The following ELK4 variants were observed in gnomAD, a reference collection of about 807,000 sequenced individuals.
ELK4 encodes ETS domain-containing protein Elk-4.
ELK4 carries 16 observed loss-of-function variants against 29.6 expected under a neutral mutation model. The ratio of observed to expected loss-of-function variants is 0.54; its 90% CI spans 0.37 to 0.82. ELK4 has a LOEUF of 0.82. Ranked by LOEUF, ELK4 falls within the 40% of genes least tolerant of loss-of-function variation. The pLI is 0.00. For missense variants in ELK4, 465 were observed against 507.1 expected, an observed-to-expected ratio of 0.92 and a Z score of 0.80; for synonymous variants, 213 against 191.1, an observed-to-expected ratio of 1.11 and a Z score of -0.95.
chr1:205,610,039 C>G lies in ELK4; in HGVS notation c.*6507G>C, dbSNP rs142994414. The G allele has an allele frequency of 4.9e-4, 113 of 231,406 alleles. No individual in the cohort carries two copies. Among genetic ancestry groups the G allele is most frequent in the Middle Eastern group, 2.6e-3 (2 of 772 alleles). 14.3% of individuals were successfully genotyped at this position (231,406 alleles called of 1,614,324 possible). ...TCCAGTTATTAAAAATGAAACAGTGCTAATATTGGTGCCCAAGAAAGTGCC... is the reference window on the plus strand; with the variant it reads ...TCCAGTTATTAAAAATGAAACAGTGGTAATATTGGTGCCCAAGAAAGTGCC... On this transcript the variant is annotated 3_prime_UTR_variant, in exon 5 of 5. Coordinates refer to ENST00000357992, the MANE Select transcript of ELK4 (RefSeq NM_001973.4).
chr1:205,624,787 C>T (rs1370421405), intron 1 of ELK4, among the ~76,000 whole-genome samples: 2 of 152,116 alleles, frequency 1.3e-5, no homozygotes, highest in African/African-American at 4.8e-5. Context: ...GCACCGCCTG[C>T]CCCATTGAGA....
At position 205,625,565 on chromosome 1, in the gene ELK4, C is replaced by T. The variant is rs970097942; in HGVS notation, c.-9-1674G>A. ...AGAAGACTGGAAAGAAATACCCGGACCGGGTGCCGGTGATAGTAGAAAAGG... is the reference window on the plus strand; with the variant it reads ...AGAAGACTGGAAAGAAATACCCGGATCGGGTGCCGGTGATAGTAGAAAAGG... On this transcript the variant is annotated intron_variant, in intron 1 of 4. Transcript: ENST00000357992. 54 of 890,132 alleles carry T rather than the reference C, an allele frequency of 6.1e-5. No individual in the cohort carries two copies. In the African/African-American group the frequency reaches 8.4e-4, roughly 14 times the overall value. The allele number at this position is 890,132 out of a possible 1,614,324, so 55.1% of individuals were successfully genotyped here. A position where few individuals can be genotyped will look rare whatever the true frequency, so the allele number is the denominator to read the frequency against.
chr1:205,615,806 A>C lies in ELK4; in HGVS notation c.*740T>G, dbSNP rs1268742092. On this transcript the variant is annotated 3_prime_UTR_variant, in exon 5 of 5. Coordinates refer to ENST00000357992, the MANE Select transcript of ELK4 (RefSeq NM_001973.4). ...GTCCCATATTCTTACTAGGTGTTCCAAAAACTGTCTTAAACCCCAGGTCTA... is the reference window on the plus strand; with the variant it reads ...GTCCCATATTCTTACTAGGTGTTCCCAAAACTGTCTTAAACCCCAGGTCTA... 4.7e-6 allele frequency: 1 copy of C among 211,138 alleles called. No individual in the cohort carries two copies. The highest frequency in any genetic ancestry group is 9.6e-6 in the Non-Finnish European group (1 of 104,218). 13.1% of individuals were successfully genotyped at this position (211,138 alleles called of 1,614,324 possible). A position where few individuals can be genotyped will look rare whatever the true frequency, so the allele number is the denominator to read the frequency against.
rs143311314 is a variant in ELK4, at chr1:205,611,530, T to G, written c.*5016A>C. On this transcript the variant is annotated 3_prime_UTR_variant, in exon 5 of 5. Coordinates refer to ENST00000357992, the MANE Select transcript of ELK4 (RefSeq NM_001973.4). Reference sequence around the variant, plus strand: ...ATCCCAAACCAAGAATATAATTCTATTTTCCACAGAACCCAGTCTCTGGTT... The same window carrying G: ...ATCCCAAACCAAGAATATAATTCTAGTTTCCACAGAACCCAGTCTCTGGTT... 4.8e-6 allele frequency: 1 copy of G among 207,098 alleles called. No individual in the cohort carries two copies. Among genetic ancestry groups the G allele is most frequent in the East Asian group, 7.3e-5 (1 of 13,700 alleles). The allele number at this position is 207,098 out of a possible 1,614,324, so 12.8% of individuals were successfully genotyped here. A position where few individuals can be genotyped will look rare whatever the true frequency, so the allele number is the denominator to read the frequency against.
At position 205,615,301 on chromosome 1, in the gene ELK4, G is replaced by A. The variant is rs1281043741; in HGVS notation, c.*1245C>T. 1 of 146,320 alleles carries A rather than the reference G, an allele frequency of 6.8e-6. No individual in the cohort carries two copies. Among genetic ancestry groups the A allele is most frequent in the East Asian group, 1.7e-4 (1 of 5,952 alleles). The allele number at this position is 146,320 out of a possible 1,614,324, so 9.1% of individuals were successfully genotyped here. A position where few individuals can be genotyped will look rare whatever the true frequency, so the allele number is the denominator to read the frequency against. ...AGCTACTCAGGAGGCTGAGGCAGGA[G>A]AATTGCTTGAACCCGGGAGGCGGAG... On this transcript the variant is annotated 3_prime_UTR_variant, in exon 5 of 5. Transcript: ENST00000357992.
At chr1:205,631,549 G>T in intron 1 of ELK4, 83 bp downstream of exon 1, 1 of 155,160 alleles carries the variant, frequency 6.4e-6, no homozygotes. Context: ...TGTGCCGCGC[G>T]CCCCTCGGCC....
intron 2 of ELK4, among the ~76,000 whole-genome samples, 174 bp from the exon 3 acceptor site, chr1:205,621,012 T>C (rs1670334594): frequency 2.0e-5 from 3 of 151,716 alleles, no homozygotes. Context: ...CTGGCCAACA[T>C]GGTGAAACCC....
Position 205,620,946 on chromosome 1 carries a change from C to T in ELK4, c.208-108G>A, listed in dbSNP as rs897746596. On this transcript the variant is annotated intron_variant, in intron 2 of 4. Coordinates refer to ENST00000357992, the MANE Select transcript of ELK4 (RefSeq NM_001973.4). ...GCACAGTGGCTCATGCCTGTAATCC[C>T]AGCACTTTGGAAGGCCGAGGAGGGC... 4.7e-6 allele frequency: 6 copies of T among 1,275,264 alleles called. No homozygotes were observed. The African/African-American group carries it at 6.0e-5, about 13-fold the overall frequency. 79.0% of individuals were successfully genotyped at this position (1,275,264 alleles called of 1,614,324 possible). A position where few individuals can be genotyped will look rare whatever the true frequency, so the allele number is the denominator to read the frequency against.
Position 205,609,897 on chromosome 1 carries a change from T to A in ELK4, c.*6649A>T, listed in dbSNP as rs1199367820. 2 of 228,266 alleles carry A rather than the reference T, an allele frequency of 8.8e-6. No individual in the cohort carries two copies. Among genetic ancestry groups the A allele is most frequent in the East Asian group, 1.3e-4 (2 of 15,878 alleles). 14.1% of individuals were successfully genotyped at this position (228,266 alleles called of 1,614,324 possible). On this transcript the variant is annotated 3_prime_UTR_variant, in exon 5 of 5. Coordinates refer to ENST00000357992, the MANE Select transcript of ELK4 (RefSeq NM_001973.4). ...AATGGCTCATTAGGTAACCCATTTA[T>A]CCCTTCTACAAACACCCTATAAATT...
At position 205,615,050 on chromosome 1, in the gene ELK4, C is replaced by A. The variant is rs938672119; in HGVS notation, c.*1496G>T. 5.1e-6 allele frequency: 1 copy of A among 194,344 alleles called. No homozygotes were observed. The highest frequency in any genetic ancestry group is 2.3e-5 in the African/African-American group (1 of 43,004). 12.0% of individuals were successfully genotyped at this position (194,344 alleles called of 1,614,324 possible). A position where few individuals can be genotyped will look rare whatever the true frequency, so the allele number is the denominator to read the frequency against. Reference sequence around the variant, plus strand: ...CTACATTTTTTACTACTAATATGAACAATCCAATCCCTATGTATAAGCATT... The same window carrying A: ...CTACATTTTTTACTACTAATATGAAAAATCCAATCCCTATGTATAAGCATT... On this transcript the variant is annotated 3_prime_UTR_variant, in exon 5 of 5. Transcript: ENST00000357992.
intron 1 of ELK4, among the ~76,000 whole-genome samples, chr1:205,627,001 C>T (rs1233928861): frequency 6.6e-6 from 1 of 152,126 alleles, no homozygotes; most frequent in African/African-American, 2.4e-5. Context: ...CACACAAGGA[C>T]AAACCTTGAA....
Position 205,609,598 on chromosome 1 carries a change from G to A in ELK4, c.*6948C>T, listed in dbSNP as rs1670124280. ...TCTACCACTTAAACAATAAATGTAA[G>A]CAATGAATGTACATACAAAGGCCAC... On this transcript the variant is annotated 3_prime_UTR_variant, in exon 5 of 5. Transcript: ENST00000357992. The A allele has an allele frequency of 3.0e-5, 6 of 200,752 alleles. No individual in the cohort carries two copies. In the Admixed American group the frequency reaches 3.0e-4, roughly 10 times the overall value. The allele number at this position is 200,752 out of a possible 1,614,324, so 12.4% of individuals were successfully genotyped here. A position where few individuals can be genotyped will look rare whatever the true frequency, so the allele number is the denominator to read the frequency against.
At position 205,610,278 on chromosome 1, in the gene ELK4, T is replaced by C; in HGVS notation, c.*6268A>G. The C allele has an allele frequency of 4.3e-6, 1 of 231,578 alleles. No homozygotes were observed. Among genetic ancestry groups the C allele is most frequent in the Non-Finnish European group, 8.5e-6 (1 of 117,000 alleles). 14.3% of individuals were successfully genotyped at this position (231,578 alleles called of 1,614,324 possible). The stretch of plus-strand genomic sequence containing the variant: ...TTATGAGATGGGAAACAAGGCAAAG[T>C]TGAGAAGATCATTCAGCCCAAGACA... On this transcript the variant is annotated 3_prime_UTR_variant, in exon 5 of 5. Transcript: ENST00000357992.
In ELK4 at chr1:205,620,755, TG is replaced by T; in HGVS notation, c.290del (p.Thr97LysfsTer12). Reference sequence around the variant, plus strand: ...CACAGTCACCCTCAATCCTGCCCACTGTCATTGGATCCATGTTCAAAATCTC... The same window carrying T: ...CACAGTCACCCTCAATCCTGCCCACTTCATTGGATCCATGTTCAAAATCTC... ...YPEILNMDPM[T>X]VGRIEGDCES... On this transcript the variant is annotated frameshift_variant, in exon 3 of 5. Transcript: ENST00000357992. LOFTEE classifies it high-confidence loss of function. 6.2e-7 allele frequency: 1 copy of T among 1,614,138 alleles called. No individual in the cohort carries two copies. The highest frequency in any genetic ancestry group is 8.5e-7 in the Non-Finnish European group (1 of 1,180,028).
rs887544148 is a variant in ELK4, at chr1:205,614,786, T to C, written c.*1760A>G. 4.4e-6 allele frequency: 1 copy of C among 227,530 alleles called. No homozygotes were observed. Among genetic ancestry groups the C allele is most frequent in the African/African-American group, 2.2e-5 (1 of 45,034 alleles). The allele number at this position is 227,530 out of a possible 1,614,324, so 14.1% of individuals were successfully genotyped here. ...GAGCCTTCAAGTTCTTACTTCTTCA[T>C]TTAGTTCATGTGATTCTACAGGATT... On this transcript the variant is annotated 3_prime_UTR_variant, in exon 5 of 5. Coordinates refer to ENST00000357992, the MANE Select transcript of ELK4 (RefSeq NM_001973.4).
intron 1 of ELK4, among the ~76,000 whole-genome samples, chr1:205,626,457 A>C (rs1670463878): frequency 6.6e-6 from 1 of 152,140 alleles, no homozygotes; most frequent in South Asian, 2.1e-4. Flanking sequence ...CTGACTGCCC[A>C]AGGGGCTCAG....
intron 1 of ELK4, chr1:205,625,911 T>A: frequency 1.4e-6 from 1 of 735,504 alleles, no homozygotes; most frequent in South Asian, 1.4e-5. Flanking sequence ...ACTCCTGACC[T>A]CATGATCCGC....
Position 205,631,629 on chromosome 1 carries a change from C to T in ELK4, c.-10+3G>A. Reference sequence around the variant, plus strand: ...GAGGGGGCGCGCGGGGCTGACCGCTCACCGACGCCGCGCGCGGGGCTCCCC... The same window carrying T: ...GAGGGGGCGCGCGGGGCTGACCGCTTACCGACGCCGCGCGCGGGGCTCCCC... On this transcript the variant is annotated splice_donor_region_variant and intron_variant, in intron 1 of 4. Transcript: ENST00000357992. The T allele has an allele frequency of 3.1e-6, 1 of 318,992 alleles. No individual in the cohort carries two copies. Among genetic ancestry groups the T allele is most frequent in the Non-Finnish European group, 6.5e-6 (1 of 153,702 alleles). The allele number at this position is 318,992 out of a possible 1,614,324, so 19.8% of individuals were successfully genotyped here. A position where few individuals can be genotyped will look rare whatever the true frequency, so the allele number is the denominator to read the frequency against.
chr1:205,626,940 A>G lies in ELK4; in HGVS notation c.-9-3049T>C, dbSNP rs912648789. Among the ~76,000 whole-genome samples the G allele has an allele frequency of 5.3e-4, 80 of 152,224 alleles. 1 individual carries two copies. Among genetic ancestry groups the G allele is most frequent in the Non-Finnish European group, 1.0e-3 (69 of 68,038 alleles). ...GATGAATGGATAAATAATATGTGGC[A>G]CATTCATAATGGGGTATCATCCAGC... On this transcript the variant is annotated intron_variant, in intron 1 of 4. Coordinates refer to ENST00000357992, the MANE Select transcript of ELK4 (RefSeq NM_001973.4).
Sources: allele counts gnomAD v4.1 joint callset (sites outside exome capture counted in the v4.1 genomes callset), GRCh38; gene constraint gnomAD v4.1.1; transcripts MANE v1.5; gene names NCBI Gene and HGNC (gene_info 2026-07-23, HGNC 2026-07-21).